IKZF1: variants seen among roughly 807,000 people sequenced by gnomAD.
The protein encoded by IKZF1 is DNA-binding protein Ikaros.
Under a neutral mutation model 51.7 loss-of-function variants are expected in IKZF1, and 10 were observed. The ratio of observed to expected loss-of-function variants is 0.19; its 90% CI spans 0.12 to 0.33. The LOEUF (loss-of-function observed/expected upper bound fraction) is 0.33. Among genes scored for constraint, IKZF1 ranks in the 10% least tolerant of loss-of-function variants. The pLI is 1.00. For missense variants in IKZF1, 484 were observed against 707.5 expected, an observed-to-expected ratio of 0.68 and a Z score of 3.58; for synonymous variants, 280 against 282.3, an observed-to-expected ratio of 0.99 and a Z score of 0.08.
chr7:50,345,323 T>C (rs935160771), intron 3 of IKZF1, among the ~76,000 whole-genome samples: 1 of 152,176 alleles, frequency 6.6e-6, no homozygotes, highest in African/African-American at 2.4e-5. Flanking sequence ...AATCATATTG[T>C]CTCCAAAGCA....
chr7:50,385,985 T>A (rs1330772349), intron 5 of IKZF1, among the ~76,000 whole-genome samples: 1 of 152,258 alleles, frequency 6.6e-6, no homozygotes, highest in African/African-American at 2.4e-5. Flanking sequence ...TTAACCAACA[T>A]AAGCTTTGGC....
At chr7:50,308,920 G>A (rs531186173) in intron 1 of IKZF1, 8 of 152,596 alleles carry the variant, frequency 5.2e-5, no homozygotes, top group African/African-American at 1.7e-4. Context: ...AGTGCCACAC[G>A]GTTTCTTTGT....
chr7:50,393,692 T>G (rs1162027058), intron 7 of IKZF1, among the ~76,000 whole-genome samples: 4 of 151,872 alleles, frequency 2.6e-5, no homozygotes, highest in African/African-American at 9.7e-5. Flanking sequence ...GGAGTAGGAG[T>G]GAGGTCCTGT....
intron 1 of IKZF1, among the ~76,000 whole-genome samples, chr7:50,314,246 G>C (rs1303697053): frequency 6.6e-6 from 1 of 152,158 alleles, no homozygotes; most frequent in Non-Finnish European, 1.5e-5. Context: ...AAGTAGCAGA[G>C]ACTACAGGCG....
chr7:50,339,820 T>C (rs1798660937), intron 3 of IKZF1, among the ~76,000 whole-genome samples: 1 of 152,164 alleles, frequency 6.6e-6, no homozygotes, highest in African/African-American at 2.4e-5. Flanking sequence ...ATTGCTGTTA[T>C]TTGGGGCTGA....
At chr7:50,370,997 C>T (rs10251739) in intron 3 of IKZF1, among the ~76,000 whole-genome samples, 296 of 152,244 alleles carry the variant, frequency 1.9e-3, no homozygotes, top group African/African-American at 6.9e-3. Context: ...CCAGGCAACT[C>T]GGGCCCTGGC....
intron 3 of IKZF1, among the ~76,000 whole-genome samples, chr7:50,346,405 G>T (rs957103224): frequency 1.5e-4 from 23 of 152,206 alleles, no homozygotes; most frequent in African/African-American, 5.5e-4. Context: ...TGTCTGCAGT[G>T]TAACTACTTT....
At chr7:50,362,783 A>G (rs968500158) in intron 3 of IKZF1, among the ~76,000 whole-genome samples, 7 of 152,096 alleles carry the variant, frequency 4.6e-5, no homozygotes, top group African/African-American at 1.7e-4. Flanking sequence ...TTGTGACCGG[A>G]TAAGAGCAGG....
chr7:50,398,238 C>T (rs757000828), intron 7 of IKZF1, among the ~76,000 whole-genome samples: 20 of 152,206 alleles, frequency 1.3e-4, no homozygotes, highest in Non-Finnish European at 8.8e-5. Context: ...CCTCTTCAAG[C>T]TGTTCTTTCC....
intron 5 of IKZF1, among the ~76,000 whole-genome samples, chr7:50,382,992 C>T (rs1174273807): frequency 6.6e-6 from 1 of 152,190 alleles, no homozygotes; most frequent in African/African-American, 2.4e-5. Context: ...CTCCTCATCC[C>T]GTTTGTCAGG....
In IKZF1 at chr7:50,323,542, C is replaced by A. The variant is rs183015345; in HGVS notation, c.41-4096C>A. 2.6e-3 allele frequency among the ~76,000 whole-genome samples: 398 copies of A among 152,318 alleles called. 2 individuals are homozygous for A. Among genetic ancestry groups the A allele is most frequent in the African/African-American group, 9.1e-3 (377 of 41,570 alleles). On this transcript the variant is annotated intron_variant, in intron 2 of 7. Transcript: ENST00000331340. The stretch of plus-strand genomic sequence containing the variant: ...CTCATCCAGTTTTCCCAGAACACTT[C>A]TCATAGGTAATGCTTTATTTGAAAC...
chr7:50,393,628 C>G (rs560432223), intron 7 of IKZF1, among the ~76,000 whole-genome samples: 1 of 152,074 alleles, frequency 6.6e-6, no homozygotes, highest in Admixed American at 6.6e-5. Context: ...GAGTTGTCCA[C>G]ACACACATGA....
intron 5 of IKZF1, among the ~76,000 whole-genome samples, chr7:50,384,858 T>G (rs984906294): frequency 1.3e-5 from 2 of 152,262 alleles, no homozygotes; most frequent in African/African-American, 2.4e-5. Flanking sequence ...ACACTCGTTC[T>G]TAGGTTGACA....
In IKZF1 at chr7:50,391,877, G is replaced by T; in HGVS notation, c.850+14G>T. 6.2e-7 allele frequency: 1 copy of T among 1,605,532 alleles called. No homozygotes were observed. Among genetic ancestry groups the T allele is most frequent in the Non-Finnish European group, 8.5e-7 (1 of 1,175,130 alleles). ...AGAAATTTCTTGGTAAGAGTTAAAT[G>T]TTTGCTGTCTCTTAAAAAAAAACTA... On this transcript the variant is annotated intron_variant, in intron 7 of 7. Transcript: ENST00000331340.
chr7:50,365,340 A>T (rs561540648), intron 3 of IKZF1, among the ~76,000 whole-genome samples: 1 of 152,262 alleles, frequency 6.6e-6, no homozygotes, highest in Non-Finnish European at 1.5e-5. Context: ...CTCTGGAGAC[A>T]TGAAACAAAC....
intron 3 of IKZF1, among the ~76,000 whole-genome samples, chr7:50,349,044 C>T (rs547453617): frequency 4.6e-5 from 7 of 152,280 alleles, no homozygotes; most frequent in African/African-American, 1.4e-4. Context: ...ATAACACGAA[C>T]GGAGGTTAAT....
At position 50,403,090 on chromosome 7, in the gene IKZF1, A is replaced by G; in HGVS notation, c.*2463A>G. The G allele has an allele frequency of 4.5e-6, 1 of 223,618 alleles. No homozygotes were observed. The highest frequency in any genetic ancestry group is 8.9e-6 in the Non-Finnish European group (1 of 112,034). The allele number at this position is 223,618 out of a possible 1,614,324, so 13.9% of individuals were successfully genotyped here. ...TAGTGATTGCAGGAATTCTTTTCTA[A>G]ACTGCTTTGCCCTTTCCTCTCACTG... is the stretch of plus-strand genomic sequence containing the variant. On this transcript the variant is annotated 3_prime_UTR_variant, in exon 8 of 8. Transcript: ENST00000331340.
intron 1 of IKZF1, among the ~76,000 whole-genome samples, chr7:50,314,195 C>A (rs760575270): frequency 1.8e-4 from 27 of 152,186 alleles, no homozygotes; most frequent in Non-Finnish European, 3.5e-4. Flanking sequence ...ACTGCAAGCT[C>A]CACCTTCCGG....
At chr7:50,394,295 CT>C (rs1471865129) in intron 7 of IKZF1, 1 of 232,970 alleles carries the variant, frequency 4.3e-6, no homozygotes, top group East Asian at 6.0e-5. Flanking sequence ...CCCGCTTCAA[CT>C]TGATGAGATT....
Sources: gnomAD v4.1 joint callset for allele counts (sites outside exome capture counted in the v4.1 genomes callset) on GRCh38, gnomAD v4.1.1 for gene constraint, MANE v1.5 for transcripts, NCBI Gene and HGNC (gene_info 2026-07-23, HGNC 2026-07-21) for gene names.